Variants in NPLOC4 observed in about 807,000 individuals in gnomAD.
NPLOC4 encodes the protein NPL4 homolog, ubiquitin recognition factor.
Under a neutral mutation model 80.6 loss-of-function variants are expected in NPLOC4, and 18 were observed. The observed-to-expected ratio is 0.22, with a 90% confidence interval of 0.15 to 0.33. The LOEUF is 0.33. Among genes scored for constraint, NPLOC4 ranks in the 10% least tolerant of loss-of-function variants. The probability of loss-of-function intolerance (pLI) is 1.00; values close to 1 mark genes in which losing one functional copy is unlikely to be tolerated. For synonymous variants in NPLOC4, 313 were observed against 301.5 expected, an observed-to-expected ratio of 1.04 and a Z score of -0.39; for missense variants, 540 against 786.1, an observed-to-expected ratio of 0.69 and a Z score of 3.74.
intron 2 of NPLOC4, among the ~76,000 whole-genome samples, chr17:81,628,887 T>TTA (rs2035864205): frequency 6.6e-6 from 1 of 151,240 alleles, no homozygotes; most frequent in Admixed American, 6.6e-5. Context: ...ATTCATACTT[T>TTA]TTTTTTTTTT....
chr17:81,608,678 G>C, intron 6 of NPLOC4, 50 bp downstream of exon 6: 3 of 1,383,656 alleles, frequency 2.2e-6, no homozygotes, highest in Non-Finnish European at 3.0e-6. Flanking sequence ...ACAACTGCCA[G>C]CTACACAAAA....
In NPLOC4 at chr17:81,634,552, C is replaced by T. The variant is rs530679033; in HGVS notation, c.15+2364G>A. On this transcript the variant is annotated intron_variant, in intron 1 of 16. Transcript: ENST00000331134. ...TGAAAGAAGGTTTCAGTGCTAATTC[C>T]TAACCTATTTCTAGGCAAAGTCACC... Among the ~76,000 whole-genome samples, 309 of 151,448 alleles carry T rather than the reference C, an allele frequency of 2.0e-3. 1 individual carries two copies. Among genetic ancestry groups the T allele is most frequent in the Non-Finnish European group, 3.3e-3 (225 of 67,922 alleles).
chr17:81,618,867 T>C (rs2035584287), intron 3 of NPLOC4, among the ~76,000 whole-genome samples: 1 of 152,042 alleles, frequency 6.6e-6, no homozygotes, highest in Non-Finnish European at 1.5e-5. Flanking sequence ...CTAAGAAAAA[T>C]TCTTCTGCCT....
Position 81,567,672 on chromosome 17 carries a change from C to T in NPLOC4, c.1450-139G>A. 1.6e-6 allele frequency: 1 copy of T among 623,394 alleles called. No individual in the cohort carries two copies. 38.6% of individuals were successfully genotyped at this position (623,394 alleles called of 1,614,324 possible). ...CTCCCTCTGCCTCTGCAACCACGAACAGGGTCCAAGAAAGAGGAGCAGGCA... is the reference window on the plus strand; with the variant it reads ...CTCCCTCTGCCTCTGCAACCACGAATAGGGTCCAAGAAAGAGGAGCAGGCA... On this transcript the variant is annotated intron_variant, in intron 14 of 16. Transcript: ENST00000331134. The surrounding 1 kb of genome is among the most constrained non-coding windows in gnomAD (Gnocchi z 4.5).
rs367931915 is a variant in NPLOC4 at position 81,597,196 on chromosome 17, T to C, written c.993+49A>G. On this transcript the variant is annotated intron_variant, in intron 10 of 16. Transcript: ENST00000331134. ...ACCCTGATAATGCAGGCCAACACCA[T>C]CTGTAACCAAGCCATAGGGCCACAC... 317 of 1,424,256 alleles carry C rather than the reference T, an allele frequency of 2.2e-4. 1 individual carries two copies. Among genetic ancestry groups the C allele is most frequent in the Non-Finnish European group, 1.2e-4 (120 of 1,007,406 alleles). 88.2% of individuals were successfully genotyped at this position (1,424,256 alleles called of 1,614,324 possible). A position where few individuals can be genotyped will look rare whatever the true frequency, so the allele number is the denominator to read the frequency against.
At chr17:81,611,717 T>G (rs543171116) in intron 4 of NPLOC4, among the ~76,000 whole-genome samples, 1 of 151,704 alleles carries the variant, frequency 6.6e-6, no homozygotes, top group East Asian at 2.0e-4. Flanking sequence ...TCCCAGCACT[T>G]TGGGAGGCCG....
intron 6 of NPLOC4, among the ~76,000 whole-genome samples, chr17:81,607,931 G>T (rs1020576159): frequency 3.9e-5 from 6 of 152,200 alleles, no homozygotes; most frequent in Admixed American, 3.3e-4. Flanking sequence ...TCTCCTCGTT[G>T]CACTGACAGG....
At chr17:81,628,049 A>G (rs1020266249) in intron 2 of NPLOC4, among the ~76,000 whole-genome samples, 5 of 151,680 alleles carry the variant, frequency 3.3e-5, no homozygotes, top group Non-Finnish European at 5.9e-5. Flanking sequence ...CGTCTCTACT[A>G]AAAATACAAA....
intron 1 of NPLOC4, chr17:81,636,551 G>A (rs2036081208): frequency 5.0e-6 from 1 of 201,404 alleles, no homozygotes; most frequent in Non-Finnish European, 1.0e-5. Flanking sequence ...CTCTGAGAGG[G>A]GCAGGACTGG....
chr17:81,560,274 G>T (rs1019626634), intron 16 of NPLOC4, among the ~76,000 whole-genome samples: 3 of 151,880 alleles, frequency 2.0e-5, no homozygotes, highest in Non-Finnish European at 2.9e-5. Context: ...TTAGCCAGGC[G>T]TGGTGGTAGA....
At chr17:81,634,294 C>T (rs2036011392) in intron 1 of NPLOC4, among the ~76,000 whole-genome samples, 1 of 151,854 alleles carries the variant, frequency 6.6e-6, no homozygotes, top group Admixed American at 6.6e-5. Context: ...AGCCACCATG[C>T]CCAGCCCAGA....
intron 11 of NPLOC4, among the ~76,000 whole-genome samples, chr17:81,595,530 A>ATT (rs200287444): frequency 7.2e-4 from 82 of 113,154 alleles, no homozygotes; most frequent in African/African-American, 1.9e-3. Flanking sequence ...ACATATATAT[A>ATT]TATATTTTTT....
chr17:81,635,203 C>A (rs1045710855), intron 1 of NPLOC4, among the ~76,000 whole-genome samples: 3 of 151,822 alleles, frequency 2.0e-5, no homozygotes, highest in Admixed American at 6.6e-5. Context: ...ATCAGCCATG[C>A]GTGTTGGCGA....
At chr17:81,627,147 T>C (rs941366660) in intron 2 of NPLOC4, among the ~76,000 whole-genome samples, 52 of 150,892 alleles carry the variant, frequency 3.4e-4, no homozygotes, top group African/African-American at 1.0e-3. Flanking sequence ...TCCCGGCACA[T>C]TGGGAGGCCG....
chr17:81,562,103 ACG>A (rs1455817123), intron 16 of NPLOC4: 1 of 152,112 alleles, frequency 6.6e-6, no homozygotes, highest in East Asian at 1.9e-4. Flanking sequence ...GCGTGGGTGC[ACG>A]CCTGTAGTCC....
At chr17:81,586,771 CAA>C (rs2034591436) in intron 12 of NPLOC4, among the ~76,000 whole-genome samples, 1 of 152,232 alleles carries the variant, frequency 6.6e-6, no homozygotes, top group Non-Finnish European at 1.5e-5. Flanking sequence ...TGTCACCTCA[CAA>C]AGAGCTCTAC....
intron 3 of NPLOC4, among the ~76,000 whole-genome samples, chr17:81,619,368 C>T (rs568593958): frequency 6.7e-6 from 1 of 149,980 alleles, no homozygotes; most frequent in Non-Finnish European, 1.5e-5. Context: ...CACAGTGAGA[C>T]TCCGTCTCAA....
intron 12 of NPLOC4, among the ~76,000 whole-genome samples, chr17:81,583,193 C>G (rs565947281): frequency 6.6e-6 from 1 of 152,354 alleles, no homozygotes; most frequent in African/African-American, 2.4e-5. Flanking sequence ...CCTTCCTCCC[C>G]AGCAATTCTA....
chr17:81,596,002 A>G, intron 11 of NPLOC4, 114 bp downstream of exon 11: 1 of 1,031,642 alleles, frequency 9.7e-7, no homozygotes, highest in South Asian at 1.6e-5. Context: ...ATATCCCACA[A>G]GCCCAGTAAG....
Sources: gnomAD v4.1 joint callset for allele counts (sites outside exome capture counted in the v4.1 genomes callset) on GRCh38, gnomAD v4.1.1 for gene constraint, Gnocchi (gnomAD v3.1) non-coding constraint, MANE v1.5 for transcripts, NCBI Gene and HGNC (gene_info 2026-07-23, HGNC 2026-07-21) for gene names.